The following ADPRHL1 variants were observed in gnomAD, a reference collection of about 807,000 sequenced individuals.
The protein encoded by ADPRHL1 is ADP-ribosylhydrolase like 1.
In ADPRHL1, 43 loss-of-function variants were observed where a neutral mutation model predicts 44.1. The ratio of observed to expected loss-of-function variants is 0.98; its 90% CI spans 0.76 to 1.26. The LOEUF (loss-of-function observed/expected upper bound fraction) is 1.26, where lower values mean the gene tolerates loss of function less well. ADPRHL1 is among the 50% of genes most tolerant of loss of function. The pLI is 0.00. For synonymous variants in ADPRHL1, 878 were observed against 1,017.4 expected (o/e 0.86, Z 2.61); for missense variants, 2,022 against 2,496.9 (o/e 0.81, Z 4.05).
rs201451875 is a variant in ADPRHL1, at chr13:113,422,856, G to A, written c.1031C>T (p.Ala344Val). The part of the protein sequence containing the change: ...EDKEKLEDLG[A>V]ALYRLSTEEN... ...CTCTGTGGACAGGCGGTAGAGAGCCGCGCCCAGGTCCTCCAGCTTCTCCTT... is the reference window on the plus strand; with the variant it reads ...CTCTGTGGACAGGCGGTAGAGAGCCACGCCCAGGTCCTCCAGCTTCTCCTT... Residue 344 changes from alanine to valine, a missense_variant, in exon 7 of 8, where the codon GCG becomes GTG. Ala to Val is a moderately conservative substitution (Grantham distance 64, BLOSUM62 0). Around this residue, in one of 8 missense-constraint regions of ADPRHL1, gnomAD observed 1,221 missense variants for 1,517.8 expected, o/e 0.80. Coordinates refer to ENST00000612156, the MANE Select transcript of ADPRHL1 (RefSeq NM_001394807.1). 7.6e-5 allele frequency: 123 copies of A among 1,612,896 alleles called. No individual in the cohort carries two copies. In the East Asian group the frequency reaches 1.0e-3, roughly 13 times the overall value.
At position 113,453,352 on chromosome 13, in the gene ADPRHL1, A is replaced by G. The variant is rs781043297; in HGVS notation, c.86T>C (p.Val29Ala). The change falls in exon 1 of 8, where the codon GTA becomes GCA. Residue 29 changes from valine to alanine, a missense_variant. Transcript: ENST00000612156. This position sits in a 1 kb window ranked among gnomAD's most constrained non-coding sequence, Gnocchi z 5.4. The stretch of plus-strand genomic sequence containing the variant: ...CAGCTCCTCCTGGATCTTCATGCCT[A>G]CAGTGCTGTTCTCCTTGCAGACATT... ...YRNVCKENST[V>A]GMKIQEELQR... 6.2e-7 allele frequency: 1 copy of G among 1,614,184 alleles called. No individual in the cohort carries two copies. The highest frequency in any genetic ancestry group is 8.5e-7 in the Non-Finnish European group (1 of 1,180,034).
chr13:113,422,293 T>A (rs1021575455), intron 7 of ADPRHL1: 1 of 150,114 alleles, frequency 6.7e-6, no homozygotes. Flanking sequence ...TGCTGCTATA[T>A]GTGTCCCGCA....
intron 2 of ADPRHL1, among the ~76,000 whole-genome samples, chr13:113,436,858 G>T (rs1232547709): frequency 7.6e-6 from 1 of 131,670 alleles, no homozygotes; most frequent in Admixed American, 7.6e-5. Flanking sequence ...TGTACCCCGG[G>T]ACCCGGCACC....
chr13:113,425,069 CA>C lies in ADPRHL1; in HGVS notation c.756del (p.Asp252GlufsTer27). 4 of 1,613,654 alleles carry C rather than the reference CA, an allele frequency of 2.5e-6. No individual in the cohort carries two copies. Among genetic ancestry groups the C allele is most frequent in the Non-Finnish European group, 3.4e-6 (4 of 1,179,948 alleles). ...AGGCTTACCTTTTCCCTCTCTTCTG[CA>C]TCATAATTGTCGGGGAAGATGGCTT... is the stretch of plus-strand genomic sequence containing the variant. ...ENKAIFPDNYDAEEREKTYRK... is the reference protein window; with the variant it reads ...ENKAIFPDNYXAEEREKTYRK... On this transcript the variant is annotated frameshift_variant, in exon 5 of 8. Coordinates refer to ENST00000612156, the MANE Select transcript of ADPRHL1 (RefSeq NM_001394807.1). LOFTEE classifies it high-confidence loss of function.
Position 113,424,353 on chromosome 13 carries a change from A to T in ADPRHL1, c.775-4T>A, listed in dbSNP as rs754154287. ...CCGAGCTCCACTTCCTGTAGGTCTG[A>T]CAAGAGAGCCGTGGGTCGGGGCGTG... is the stretch of plus-strand genomic sequence containing the variant. On this transcript the variant is annotated splice_polypyrimidine_tract_variant and splice_region_variant and intron_variant, in intron 5 of 7. Transcript: ENST00000612156. 3.0e-5 allele frequency: 49 copies of T among 1,612,532 alleles called. No individual in the cohort carries two copies. The highest frequency in any genetic ancestry group is 1.3e-4 in the Admixed American group (8 of 59,986).
At chr13:113,421,475 C>T (rs2139614987) in intron 7 of ADPRHL1, among the ~76,000 whole-genome samples, 1 of 152,066 alleles carries the variant, frequency 6.6e-6, no homozygotes, top group Non-Finnish European at 1.5e-5. Flanking sequence ...TGCCTACCCC[C>T]AGGACACCTC....
chr13:113,450,298 G>C (rs952212045), intron 1 of ADPRHL1, among the ~76,000 whole-genome samples: 1 of 152,180 alleles, frequency 6.6e-6, no homozygotes, highest in Non-Finnish European at 1.5e-5. Context: ...AAACTTAAGT[G>C]AAATTTCGAC....
chr13:113,417,952 G>C (rs555345494), intron 7 of ADPRHL1, among the ~76,000 whole-genome samples: 1 of 152,196 alleles, frequency 6.6e-6, no homozygotes, highest in African/African-American at 2.4e-5. Flanking sequence ...AATTTTATCA[G>C]CTGATATTTT....
At position 113,404,920 on chromosome 13, in the gene ADPRHL1, C is replaced by G; in HGVS notation, c.4362G>C (p.Gly1454=). The change falls in exon 8 of 8, where the codon GGG becomes GGC. Residue 1454 remains glycine (G), a synonymous_variant. Coordinates refer to ENST00000612156, the MANE Select transcript of ADPRHL1 (RefSeq NM_001394807.1). ...TGCCCTCTCCCCACGCCGTGCTCCG[C>G]CCCCGCTCCTCCCAGGGTCCCTGCA... ...QHLQGPWEER[G]RSTAWGEGTR... is the part of the protein sequence containing the mutation. 8.0e-7 allele frequency: 1 copy of G among 1,244,714 alleles called. No individual in the cohort carries two copies. Among genetic ancestry groups the G allele is most frequent in the Non-Finnish European group, 1.0e-6 (1 of 996,580 alleles). The allele number at this position is 1,244,714 out of a possible 1,614,324, so 77.1% of individuals were successfully genotyped here.
At position 113,405,457 on chromosome 13, in the gene ADPRHL1, G is replaced by C; in HGVS notation, c.3825C>G (p.Ser1275Arg). 4.9e-6 allele frequency: 6 copies of C among 1,231,928 alleles called. No homozygotes were observed. Among genetic ancestry groups the C allele is most frequent in the Non-Finnish European group, 6.1e-6 (6 of 988,112 alleles). 76.3% of individuals were successfully genotyped at this position (1,231,928 alleles called of 1,614,324 possible). ...ASDHPRPQAR[S>R]VAESPSYGPG... ...GGCCATAGCTGGGGGACTCTGCCAC[G>C]CTCCTTGCCTGTGGCCTAGGATGAT... The change falls in exon 8 of 8, where the codon AGC (serine) becomes AGG (arginine). Residue 1275 changes from serine to arginine, a missense_variant. Coordinates refer to ENST00000612156, the MANE Select transcript of ADPRHL1 (RefSeq NM_001394807.1).
At chr13:113,426,484 T>C (rs971866167) in intron 4 of ADPRHL1, among the ~76,000 whole-genome samples, 2 of 152,350 alleles carry the variant, frequency 1.3e-5, no homozygotes, top group Middle Eastern at 3.4e-3. Flanking sequence ...AGAGCAGAGC[T>C]GGAGGGCTGC....
intron 3 of ADPRHL1, among the ~76,000 whole-genome samples, chr13:113,430,927 G>A (rs1382496925): frequency 6.6e-6 from 1 of 152,350 alleles, no homozygotes; most frequent in East Asian, 1.9e-4. Flanking sequence ...ACTGCTCCCA[G>A]GGTGTCATCT....
chr13:113,409,378 G>C lies in ADPRHL1; in HGVS notation c.1062-1158C>G, dbSNP rs2043833980. The C allele has an allele frequency of 1.0e-6, 1 of 985,258 alleles. No homozygotes were observed. The highest frequency in any genetic ancestry group is 1.7e-5 in the African/African-American group (1 of 57,210). 61.0% of individuals were successfully genotyped at this position (985,258 alleles called of 1,614,324 possible). A position where few individuals can be genotyped will look rare whatever the true frequency, so the allele number is the denominator to read the frequency against. ...ACCTGTTAGTCATTCATTCTAAGGAGATCATCAGGGATGAGGAACAAAGAC... is the reference window on the plus strand; with the variant it reads ...ACCTGTTAGTCATTCATTCTAAGGACATCATCAGGGATGAGGAACAAAGAC... On this transcript the variant is annotated intron_variant, in intron 7 of 7. Transcript: ENST00000612156. This position sits in a 1 kb window ranked among gnomAD's most constrained non-coding sequence, Gnocchi z 4.2.
At position 113,422,928 on chromosome 13, in the gene ADPRHL1, T is replaced by C; in HGVS notation, c.959A>G (p.Tyr320Cys). ...TIAGCLFGLL[Y>C]GLDLVPKGLY... ...GCCTTTGGGAACGAGGTCCAGGCCG[T>C]ACAGCAACCCGAACAGGCAGCCTGC... The change falls in exon 7 of 8, where the codon TAC becomes TGC. Residue 320 changes from tyrosine (Y) to cysteine (C), a missense_variant. Tyr to Cys is a radical substitution (Grantham distance 194). Coordinates refer to ENST00000612156, the MANE Select transcript of ADPRHL1 (RefSeq NM_001394807.1). 6.2e-7 allele frequency: 1 copy of C among 1,612,932 alleles called. No individual in the cohort carries two copies. Among genetic ancestry groups the C allele is most frequent in the Non-Finnish European group, 8.5e-7 (1 of 1,179,974 alleles).
At chr13:113,411,677 C>T (rs993487666) in intron 7 of ADPRHL1, among the ~76,000 whole-genome samples, 12 of 152,230 alleles carry the variant, frequency 7.9e-5, no homozygotes, top group Non-Finnish European at 1.8e-4. Flanking sequence ...TTAGGGGATT[C>T]GGCCAGAGCT....
intron 1 of ADPRHL1, among the ~76,000 whole-genome samples, chr13:113,450,553 G>A (rs1364628510): frequency 6.6e-6 from 1 of 152,148 alleles, no homozygotes; most frequent in Non-Finnish European, 1.5e-5. Context: ...TTGGATACAA[G>A]GCAGAAGGGG....
At chr13:113,439,694 C>T (rs111574326) in intron 2 of ADPRHL1, among the ~76,000 whole-genome samples, 1 of 151,498 alleles carries the variant, frequency 6.6e-6, no homozygotes, top group African/African-American at 2.4e-5. Flanking sequence ...GTGATCTACC[C>T]GCCTTGGCCT....
chr13:113,400,033 C>T lies in ADPRHL1; in HGVS notation c.*3345G>A, dbSNP rs2043744876. On this transcript the variant is annotated 3_prime_UTR_variant, in exon 8 of 8. Coordinates refer to ENST00000612156, the MANE Select transcript of ADPRHL1 (RefSeq NM_001394807.1). Reference sequence around the variant, plus strand: ...CAGTGGGCCTGTCGACAGCCGGAGGCACCGTAAAAAACTGCAGGGAGGAGG... The same window carrying T: ...CAGTGGGCCTGTCGACAGCCGGAGGTACCGTAAAAAACTGCAGGGAGGAGG... 1 of 151,858 alleles carries T rather than the reference C, an allele frequency of 6.6e-6. No homozygotes were observed. Among genetic ancestry groups the T allele is most frequent in the Admixed American group, 6.6e-5 (1 of 15,224 alleles). 9.4% of individuals were successfully genotyped at this position (151,858 alleles called of 1,614,324 possible). A position where few individuals can be genotyped will look rare whatever the true frequency, so the allele number is the denominator to read the frequency against.
chr13:113,417,328 C>T (rs1269153045), intron 7 of ADPRHL1, among the ~76,000 whole-genome samples: 1 of 152,158 alleles, frequency 6.6e-6, no homozygotes, highest in Non-Finnish European at 1.5e-5. Flanking sequence ...GGGTCCTGGG[C>T]GATTGCCCTT....
Sources: gnomAD v4.1 joint callset for allele counts (sites outside exome capture counted in the v4.1 genomes callset) on GRCh38, gnomAD v4.1.1 for gene constraint, gnomAD v4.1.1 regional missense constraint, Gnocchi (gnomAD v3.1) non-coding constraint, MANE v1.5 for transcripts, NCBI Gene and HGNC (gene_info 2026-07-23, HGNC 2026-07-21) for gene names.